Variants in CAMK2A observed in about 807,000 individuals in gnomAD.
CAMK2A encodes calcium/calmodulin-dependent protein kinase type II subunit alpha.
A neutral mutation model predicts 79.2 loss-of-function variants in CAMK2A; 7 were observed. The observed-to-expected ratio is 0.09, with a 90% CI of 0.05 to 0.17. The LOEUF is 0.17. Ranked by LOEUF, CAMK2A falls within the 10% of genes least tolerant of loss-of-function variation. CAMK2A has a pLI of 1.00. For synonymous variants in CAMK2A, 242 were observed against 251.7 expected (o/e 0.96, Z 0.36); for missense variants, 214 against 646.4 (o/e 0.33, Z 7.25).
intron 2 of CAMK2A, among the ~76,000 whole-genome samples, chr5:150,266,005 GC>G (rs1444019247): frequency 6.6e-6 from 1 of 152,122 alleles, no homozygotes; most frequent in African/African-American, 2.4e-5. Flanking sequence ...GAATGAATGT[GC>G]CTTTCTAAGG....
At chr5:150,266,884 T>C (rs894610101) in intron 2 of CAMK2A, among the ~76,000 whole-genome samples, 3 of 151,934 alleles carry the variant, frequency 2.0e-5, no homozygotes, top group Non-Finnish European at 4.4e-5. Context: ...GTGGTGAGAA[T>C]GAAGAAAGTT....
At chr5:150,283,820 C>T (rs1469019874) in intron 1 of CAMK2A, among the ~76,000 whole-genome samples, 1 of 145,490 alleles carries the variant, frequency 6.9e-6, no homozygotes, top group Admixed American at 6.7e-5. Flanking sequence ...GAACAGAGTA[C>T]CCCGCCCAGG....
intron 15 of CAMK2A, among the ~76,000 whole-genome samples, chr5:150,231,628 AAG>A (rs1491273163): frequency 6.6e-6 from 1 of 150,520 alleles, no homozygotes; most frequent in Non-Finnish European, 1.5e-5. Flanking sequence ...AAAAAAAAAA[AAG>A]GTGTGAAAGT....
chr5:150,245,045 C>A, intron 13 of CAMK2A, 116 bp downstream of exon 13: 2 of 1,019,502 alleles, frequency 2.0e-6, no homozygotes, highest in Non-Finnish European at 1.5e-6. Flanking sequence ...ATGTGGCCCA[C>A]GTCTGCCCAG....
intron 2 of CAMK2A, among the ~76,000 whole-genome samples, chr5:150,269,434 A>C (rs1191812886): frequency 2.8e-5 from 4 of 144,868 alleles, no homozygotes; most frequent in Non-Finnish European, 4.6e-5. Context: ...AAGGGAGTGG[A>C]CTCCCCTGGG....
rs201269064 is a variant in CAMK2A at position 150,251,885 on chromosome 5, G to A, written c.599-41C>T. 282 of 1,549,324 alleles carry A rather than the reference G, an allele frequency of 1.8e-4. 4 individuals are homozygous for A. In the African/African-American group the frequency reaches 3.7e-3, roughly 20 times the overall value. On this transcript the variant is annotated intron_variant, in intron 8 of 18. Transcript: ENST00000671881. Reference sequence around the variant, plus strand: ...GAGAACCTTCAACCCCCTGTGGGGAGGAGACATGGGGGGAGGGGAGTGATG... The same window carrying A: ...GAGAACCTTCAACCCCCTGTGGGGAAGAGACATGGGGGGAGGGGAGTGATG...
chr5:150,289,805 C>T (rs564568749), upstream of CAMK2A: 19 of 546,486 alleles, frequency 3.5e-5, no homozygotes, highest in African/African-American at 1.7e-4. Flanking sequence ...CACAGCCTCG[C>T]GAGCCTTCGT....
rs552891409 is a variant in CAMK2A, at chr5:150,266,308, C to G, written c.158-1293G>C. Among the ~76,000 whole-genome samples the G allele has an allele frequency of 4.6e-5, 7 of 152,312 alleles. No homozygotes were observed. The South Asian group carries it at 1.5e-3, about 32-fold the overall frequency. On this transcript the variant is annotated intron_variant, in intron 2 of 18. Coordinates refer to ENST00000671881, the MANE Select transcript of CAMK2A (RefSeq NM_015981.4). ...GCAATCCTGGGCTGGGACCACCACT[C>G]TCCCCATTTTATAGATAAGGAAACT...
Position 150,239,194 on chromosome 5 carries a change from G to A in CAMK2A, c.1018-446C>T, listed in dbSNP as rs576532735. Reference sequence around the variant, plus strand: ...CACACGACTGAGTGAGACAGCGATGGAACCAGAAGAGGGAGGTGGGCCACC... The same window carrying A: ...CACACGACTGAGTGAGACAGCGATGAAACCAGAAGAGGGAGGTGGGCCACC... On this transcript the variant is annotated intron_variant, in intron 14 of 18. Coordinates refer to ENST00000671881, the MANE Select transcript of CAMK2A (RefSeq NM_015981.4). 7.2e-5 allele frequency among the ~76,000 whole-genome samples: 11 copies of A among 152,226 alleles called. No individual in the cohort carries two copies. In the South Asian group the frequency reaches 2.3e-3, roughly 32 times the overall value.
At chr5:150,272,438 G>A (rs543710545) in intron 2 of CAMK2A, among the ~76,000 whole-genome samples, 19 of 152,140 alleles carry the variant, frequency 1.2e-4, no homozygotes, top group Non-Finnish European at 2.2e-4. Context: ...CGGGCATGGC[G>A]GTGGACGCTT....
At chr5:150,237,336 C>T (rs147356719) in intron 15 of CAMK2A, among the ~76,000 whole-genome samples, 4 of 149,570 alleles carry the variant, frequency 2.7e-5, no homozygotes, top group African/African-American at 9.8e-5. Context: ...TGAGTTCCCT[C>T]GAGGTCAACG....
chr5:150,230,732 G>A (rs1018407163), intron 16 of CAMK2A, among the ~76,000 whole-genome samples: 2 of 152,260 alleles, frequency 1.3e-5, no homozygotes, highest in African/African-American at 4.8e-5. Context: ...GCAAGTCCAG[G>A]TGTGTATGTG....
chr5:150,286,233 C>G (rs1757421474), intron 1 of CAMK2A, among the ~76,000 whole-genome samples: 1 of 152,190 alleles, frequency 6.6e-6, no homozygotes, highest in African/African-American at 2.4e-5. Flanking sequence ...CCCACCCCAA[C>G]CTTCTAGGAG....
rs975407288 is a variant in CAMK2A at position 150,227,573 on chromosome 5, C to T, written c.1237+619G>A. 9.2e-5 allele frequency among the ~76,000 whole-genome samples: 14 copies of T among 152,280 alleles called. 1 individual carries two copies. In the Middle Eastern group the frequency reaches 0.01, roughly 111 times the overall value. On this transcript the variant is annotated intron_variant, in intron 17 of 18. Coordinates refer to ENST00000671881, the MANE Select transcript of CAMK2A (RefSeq NM_015981.4). ...GGGAAAGACAGACACAGGCAGAAAG[C>T]ACCCTGGGTCAGCCCCAGCCTCAAC...
intron 6 of CAMK2A, 48 bp from the exon 7 acceptor site, chr5:150,253,594 G>A (rs1379528846): frequency 6.7e-7 from 1 of 1,495,304 alleles, no homozygotes; most frequent in Non-Finnish European, 9.3e-7. Flanking sequence ...AGCGCCAAGA[G>A]ACAGTCAGCA....
chr5:150,256,867 GGCGACA>G lies in CAMK2A; in HGVS notation c.273-42_273-37del. The G allele has an allele frequency of 6.4e-7, 1 of 1,568,802 alleles. No individual in the cohort carries two copies. Among genetic ancestry groups the G allele is most frequent in the Non-Finnish European group, 8.7e-7 (1 of 1,143,000 alleles). ...AGGCATGGAATCACCCTCTAATAGA[GGCGACA>G]GGTGCTGCCTCATCTGGAGGAGTCT... On this transcript the variant is annotated intron_variant, in intron 4 of 18. Transcript: ENST00000671881. This position sits in a 1 kb window ranked among gnomAD's most constrained non-coding sequence, Gnocchi z 4.6.
chr5:150,251,968 T>C lies in CAMK2A; in HGVS notation c.598+14A>G. ...TGCAGCCAGGGGCACAAAAGGGCCT[T>C]AGGATGAACTCACCACAAGCCCACA... On this transcript the variant is annotated intron_variant, in intron 8 of 18. Transcript: ENST00000671881. 1.2e-6 allele frequency: 2 copies of C among 1,611,776 alleles called. No homozygotes were observed. The highest frequency in any genetic ancestry group is 1.7e-6 in the Non-Finnish European group (2 of 1,178,198).
At chr5:150,274,528 A>G (rs1242095148) in intron 1 of CAMK2A, among the ~76,000 whole-genome samples, 1 of 152,188 alleles carries the variant, frequency 6.6e-6, no homozygotes, top group Non-Finnish European at 1.5e-5. Flanking sequence ...CTTCATCTAC[A>G]GAGGAGACTC....
At chr5:150,245,338 G>GCCTCCTCCTCCTCCTCCTCCT (rs34649296) in intron 12 of CAMK2A, 137 bp from the exon 13 acceptor site, 17 of 659,298 alleles carry the variant, frequency 2.6e-5, no homozygotes, top group African/African-American at 1.6e-4. Context: ...CCTGGGGGAG[G>GCCTCCTCCTCCTCCTCCTCCT]CCTCCTCCTC....
Sources: allele counts gnomAD v4.1 joint callset (sites outside exome capture counted in the v4.1 genomes callset), GRCh38; gene constraint gnomAD v4.1.1; non-coding constraint Gnocchi (gnomAD v3.1); transcripts MANE v1.5; gene names NCBI Gene and HGNC (gene_info 2026-07-23, HGNC 2026-07-21).